The following ZFPM2 variants were observed in gnomAD, a reference collection of about 807,000 sequenced individuals.
ZFPM2 encodes the protein zinc finger protein, FOG family member 2.
A neutral mutation model predicts 98.6 loss-of-function variants in ZFPM2; 20 were observed. The ratio of observed to expected loss-of-function variants is 0.20; its 90% CI spans 0.14 to 0.29. The LOEUF (loss-of-function observed/expected upper bound fraction) is 0.29. Ranked by LOEUF, ZFPM2 falls within the 10% of genes least tolerant of loss-of-function variation. The pLI, the probability that ZFPM2 is intolerant of heterozygous loss-of-function variation, is 1.00. For missense variants in ZFPM2, 1,310 were observed against 1,388.6 expected, an observed-to-expected ratio of 0.94 and a Z score of 0.90; for synonymous variants, 518 against 502.7, an observed-to-expected ratio of 1.03 and a Z score of -0.41.
chr8:105,533,255 G>A (rs938073135), intron 3 of ZFPM2, among the ~76,000 whole-genome samples: 1 of 151,936 alleles, frequency 6.6e-6, no homozygotes, highest in African/African-American at 2.4e-5. Flanking sequence ...CAAATGGACT[G>A]GCCATAAAAG....
At chr8:105,686,627 T>TTATA (rs1363173945) in intron 5 of ZFPM2, among the ~76,000 whole-genome samples, 2 of 152,192 alleles carry the variant, frequency 1.3e-5, no homozygotes, top group Non-Finnish European at 2.9e-5. Context: ...CCAAATTGCA[T>TTATA]TATATAGTAC....
chr8:105,556,738 C>A (rs75684025), intron 3 of ZFPM2, among the ~76,000 whole-genome samples: 3 of 146,984 alleles, frequency 2.0e-5, no homozygotes, highest in Non-Finnish European at 4.5e-5. Context: ...CCTCCCCTCC[C>A]CTTTGACAGA....
chr8:105,682,998 T>A (rs575619487), intron 5 of ZFPM2, among the ~76,000 whole-genome samples: 2 of 152,096 alleles, frequency 1.3e-5, no homozygotes, highest in Non-Finnish European at 2.9e-5. Context: ...AAGATCAAGA[T>A]GTTGTCTTCC....
At chr8:105,538,444 G>T (rs1194262946) in intron 3 of ZFPM2, among the ~76,000 whole-genome samples, 2 of 152,060 alleles carry the variant, frequency 1.3e-5, no homozygotes, top group East Asian at 3.9e-4. Flanking sequence ...TTAGAACACT[G>T]TTGAAATGTC....
chr8:105,336,688 C>CA (rs1812330628), intron 1 of ZFPM2, among the ~76,000 whole-genome samples: 1 of 142,154 alleles, frequency 7.0e-6, no homozygotes, highest in Non-Finnish European at 1.6e-5. Flanking sequence ...GTAATATACT[C>CA]CACACACACA....
At chr8:105,633,895 G>T (rs73293514) in intron 4 of ZFPM2, among the ~76,000 whole-genome samples, 3 of 152,038 alleles carry the variant, frequency 2.0e-5, no homozygotes, top group Admixed American at 2.0e-4. Flanking sequence ...AAAGTACAAT[G>T]TGTCTAAAGT....
chr8:105,628,136 C>A (rs1231685137), intron 4 of ZFPM2, among the ~76,000 whole-genome samples: 2 of 152,156 alleles, frequency 1.3e-5, no homozygotes, highest in Non-Finnish European at 2.9e-5. Flanking sequence ...AAATTAGCCC[C>A]ACCGTGCTGA....
chr8:105,390,494 C>T (rs1811086216), intron 1 of ZFPM2, among the ~76,000 whole-genome samples: 1 of 152,122 alleles, frequency 6.6e-6, no homozygotes, highest in South Asian at 2.1e-4. Context: ...GAAGCTCACC[C>T]AAGACTCAGT....
intron 5 of ZFPM2, among the ~76,000 whole-genome samples, chr8:105,672,522 TG>T (rs1817614890): frequency 1.3e-5 from 2 of 152,132 alleles, no homozygotes; most frequent in Admixed American, 6.6e-5. Flanking sequence ...ATTTTTTTTC[TG>T]GTAATGCTAT....
At chr8:105,721,593 T>C (rs980498801) in intron 5 of ZFPM2, among the ~76,000 whole-genome samples, 1 of 151,996 alleles carries the variant, frequency 6.6e-6, no homozygotes, top group Non-Finnish European at 1.5e-5. Flanking sequence ...GAATTCCCAT[T>C]GTTGCCAGGT....
chr8:105,378,167 G>C (rs1363137004), intron 1 of ZFPM2, among the ~76,000 whole-genome samples: 1 of 152,140 alleles, frequency 6.6e-6, no homozygotes, highest in East Asian at 1.9e-4. Flanking sequence ...CCTACCTTTA[G>C]AGTTGGAAGG....
At chr8:105,646,414 T>C (rs1817048132) in intron 5 of ZFPM2, among the ~76,000 whole-genome samples, 1 of 152,080 alleles carries the variant, frequency 6.6e-6, no homozygotes, top group Non-Finnish European at 1.5e-5. Flanking sequence ...TAATGACAAT[T>C]AGCGATGAGG....
At chr8:105,535,813 A>C (rs1231788861) in intron 3 of ZFPM2, among the ~76,000 whole-genome samples, 1 of 152,156 alleles carries the variant, frequency 6.6e-6, no homozygotes. Flanking sequence ...ATTTATGTTC[A>C]TGGACTTCAG....
chr8:105,343,614 C>T (rs1393632139), intron 1 of ZFPM2, among the ~76,000 whole-genome samples: 2 of 152,108 alleles, frequency 1.3e-5, no homozygotes, highest in Admixed American at 6.6e-5. Flanking sequence ...AGTAAAATAG[C>T]TAGAGCTGTT....
intron 1 of ZFPM2, chr8:105,387,246 A>T (rs1200367925): frequency 6.5e-6 from 1 of 153,394 alleles, no homozygotes; most frequent in Non-Finnish European, 1.4e-5. Flanking sequence ...TCCCCACCAG[A>T]CTCAGGAGCC....
chr8:105,783,580 T>C (rs1294548790), intron 5 of ZFPM2, among the ~76,000 whole-genome samples: 1 of 152,172 alleles, frequency 6.6e-6, no homozygotes, highest in Admixed American at 6.5e-5. Context: ...ACCACCATTC[T>C]ACTTTCTGTC....
At chr8:105,456,158 TTGTTTGTTTG>T (rs1171512706) in intron 3 of ZFPM2, among the ~76,000 whole-genome samples, 8 of 135,286 alleles carry the variant, frequency 5.9e-5, no homozygotes, top group East Asian at 4.2e-4. Context: ...TTTTTTTTGT[TTGTTTGTTTG>T]TTTTTTTTTT....
chr8:105,434,491 C>G (rs1184910329), intron 2 of ZFPM2, among the ~76,000 whole-genome samples: 1 of 152,168 alleles, frequency 6.6e-6, no homozygotes, highest in Non-Finnish European at 1.5e-5. Flanking sequence ...GATGATAAAA[C>G]CATAAGTGTA....
chr8:105,668,359 T>C (rs1817526619), intron 5 of ZFPM2, among the ~76,000 whole-genome samples: 1 of 152,206 alleles, frequency 6.6e-6, no homozygotes, highest in Non-Finnish European at 1.5e-5. Context: ...CTAAATTAGC[T>C]TTTTCTACCT....
Sources: gnomAD v4.1 joint callset for allele counts (sites outside exome capture counted in the v4.1 genomes callset) on GRCh38, gnomAD v4.1.1 for gene constraint, MANE v1.5 for transcripts, NCBI Gene and HGNC (gene_info 2026-07-23, HGNC 2026-07-21) for gene names.